GOLGA1: variants seen among roughly 807,000 people sequenced by gnomAD.
The protein encoded by GOLGA1 is golgin A1.
In GOLGA1, 63 loss-of-function variants were observed where a neutral mutation model predicts 119.7. The observed-to-expected ratio is 0.53, with a 90% CI of 0.43 to 0.65. GOLGA1 has a LOEUF of 0.65. Among genes scored for constraint, GOLGA1 ranks in the 30% least tolerant of loss-of-function variants. The pLI is 0.00. For synonymous variants in GOLGA1, 318 were observed against 333.4 expected (o/e 0.95, Z 0.50); for missense variants, 798 against 912.8 (o/e 0.87, Z 1.62).
intron 19 of GOLGA1, among the ~76,000 whole-genome samples, chr9:124,884,006 G>A (rs1220988016): frequency 1.3e-5 from 2 of 151,934 alleles, no homozygotes. Context: ...TCATAATATA[G>A]GGAAAAAAAA....
intron 15 of GOLGA1, among the ~76,000 whole-genome samples, chr9:124,896,722 G>A (rs1289869037): frequency 6.6e-6 from 1 of 152,188 alleles, no homozygotes; most frequent in Non-Finnish European, 1.5e-5. Flanking sequence ...CCAGTGGATC[G>A]CTTGAGCACA....
intron 11 of GOLGA1, among the ~76,000 whole-genome samples, chr9:124,910,053 C>T (rs973276559): frequency 2.6e-5 from 4 of 152,194 alleles, no homozygotes; most frequent in Admixed American, 6.5e-5. Context: ...CCTCAGCCTC[C>T]GGAGTAGCTT....
chr9:124,892,847 G>A (rs1829885071), intron 15 of GOLGA1, among the ~76,000 whole-genome samples: 1 of 150,702 alleles, frequency 6.6e-6, no homozygotes, highest in Admixed American at 6.6e-5. Context: ...CAGGAGAATC[G>A]CTTGAACCCA....
At chr9:124,902,915 C>T (rs1025996473) in intron 12 of GOLGA1, among the ~76,000 whole-genome samples, 1 of 152,164 alleles carries the variant, frequency 6.6e-6, no homozygotes, top group Non-Finnish European at 1.5e-5. Flanking sequence ...TAGCTCATGA[C>T]TGCAAATTTT....
In GOLGA1 at chr9:124,921,109, TCTC is replaced by T. The variant is rs1830560566; in HGVS notation, c.843+17_843+19del. On this transcript the variant is annotated intron_variant, in intron 10 of 22. Coordinates refer to ENST00000373555, the MANE Select transcript of GOLGA1 (RefSeq NM_002077.4). The stretch of plus-strand genomic sequence containing the variant: ...TTATGAATCTTAGAAATCCAGGTCT[TCTC>T]CTCATATTCTACTTACCTTTTGCAA... The T allele has an allele frequency of 7.3e-7, 1 of 1,363,494 alleles. No homozygotes were observed. The highest frequency in any genetic ancestry group is 1.8e-4 in the Middle Eastern group (1 of 5,606). 84.5% of individuals were successfully genotyped at this position (1,363,494 alleles called of 1,614,324 possible).
intron 10 of GOLGA1, among the ~76,000 whole-genome samples, chr9:124,915,144 C>T (rs1830415325): frequency 6.6e-6 from 1 of 152,180 alleles, no homozygotes; most frequent in Admixed American, 6.5e-5. Context: ...TGGACTGCAT[C>T]AATTCTGGGT....
chr9:124,929,122 G>C lies in GOLGA1; in HGVS notation c.301+94C>G, dbSNP rs1484798440. On this transcript the variant is annotated intron_variant, in intron 5 of 22. Coordinates refer to ENST00000373555, the MANE Select transcript of GOLGA1 (RefSeq NM_002077.4). ...CACTACTTATAAAATAAAGATTTGTGCTTTGAAGAAGGACAAACTTAACCA... is the reference window on the plus strand; with the variant it reads ...CACTACTTATAAAATAAAGATTTGTCCTTTGAAGAAGGACAAACTTAACCA... 6.8e-6 allele frequency: 5 copies of C among 736,760 alleles called. No homozygotes were observed. In the Admixed American group the frequency reaches 1.1e-4, roughly 16 times the overall value. 45.6% of individuals were successfully genotyped at this position (736,760 alleles called of 1,614,324 possible). A position where few individuals can be genotyped will look rare whatever the true frequency, so the allele number is the denominator to read the frequency against.
chr9:124,898,665 A>G (rs1389945007), intron 14 of GOLGA1, 21 bp from the exon 15 acceptor site: 2 of 1,444,202 alleles, frequency 1.4e-6, no homozygotes, highest in Non-Finnish European at 1.9e-6. Context: ...AGAAGAACAC[A>G]TATAAAAGAA....
At chr9:124,895,944 C>A (rs1457624324) in intron 15 of GOLGA1, among the ~76,000 whole-genome samples, 3 of 148,830 alleles carry the variant, frequency 2.0e-5, no homozygotes, top group African/African-American at 7.3e-5. Context: ...AACAGAGACC[C>A]TCTATAACAG....
intron 7 of GOLGA1, among the ~76,000 whole-genome samples, chr9:124,925,706 C>G (rs1208604415): frequency 6.6e-6 from 1 of 151,992 alleles, no homozygotes; most frequent in Non-Finnish European, 1.5e-5. Context: ...CAGAACAACC[C>G]CTTGTCTCAA....
chr9:124,900,276 A>G (rs571782903), intron 13 of GOLGA1, 176 bp downstream of exon 13: 45 of 463,680 alleles, frequency 9.7e-5, no homozygotes, highest in African/African-American at 7.5e-4. Flanking sequence ...GCCCACCATT[A>G]GGTCCTGACT....
intron 12 of GOLGA1, among the ~76,000 whole-genome samples, chr9:124,903,558 G>A (rs1381711756): frequency 6.7e-6 from 1 of 150,008 alleles, no homozygotes; most frequent in Non-Finnish European, 1.5e-5. Flanking sequence ...CAAGCACTTA[G>A]GGAAACAAAG....
At chr9:124,889,868 T>C (rs188687240) in intron 16 of GOLGA1, among the ~76,000 whole-genome samples, 42 of 152,300 alleles carry the variant, frequency 2.8e-4, no homozygotes, top group African/African-American at 1.0e-3. Flanking sequence ...ACGCATTTGA[T>C]ATATGTTGCC....
chr9:124,894,910 CAG>C (rs1297270967), intron 15 of GOLGA1, among the ~76,000 whole-genome samples: 2 of 151,704 alleles, frequency 1.3e-5, no homozygotes, highest in African/African-American at 4.9e-5. Flanking sequence ...CCATCCAAAA[CAG>C]AGAACCATCC....
chr9:124,912,589 C>T (rs943756706), intron 10 of GOLGA1, among the ~76,000 whole-genome samples: 1 of 152,206 alleles, frequency 6.6e-6, no homozygotes, highest in Non-Finnish European at 1.5e-5. Flanking sequence ...GTTGCCTTGG[C>T]TGGAGTACAG....
rs754773936 is a variant in GOLGA1, at chr9:124,921,854, T to G, written c.600A>C (p.Gln200His). 8 of 1,613,784 alleles carry G rather than the reference T, an allele frequency of 5.0e-6. No homozygotes were observed. In the South Asian group the frequency reaches 7.7e-5, roughly 16 times the overall value. Residue 200 changes from glutamine (Q) to histidine (H), a missense_variant, in exon 9 of 23, where the codon CAA becomes CAC. Gln to His is a conservative substitution (Grantham distance 24, BLOSUM62 0). Coordinates refer to ENST00000373555, the MANE Select transcript of GOLGA1 (RefSeq NM_002077.4). ...GTTCTCTGGTTCGTGCCTCCAATTC[T>G]TGTTCCATTTTCCCTAGACTTTCTT... ...KKEESLGKME[Q>H]ELEARTRELS...
chr9:124,893,199 A>T (rs1829897052), intron 15 of GOLGA1, among the ~76,000 whole-genome samples: 1 of 151,974 alleles, frequency 6.6e-6, no homozygotes, highest in East Asian at 1.9e-4. Context: ...TAGTAAAAAT[A>T]CCCATCCCCC....
intron 10 of GOLGA1, among the ~76,000 whole-genome samples, chr9:124,920,249 A>G (rs1830539484): frequency 6.7e-6 from 1 of 149,404 alleles, no homozygotes; most frequent in Non-Finnish European, 1.5e-5. Context: ...CCTCCCAAAC[A>G]GCTGGAACTA....
intron 4 of GOLGA1, among the ~76,000 whole-genome samples, chr9:124,930,147 G>T (rs1830746679): frequency 6.6e-6 from 1 of 152,088 alleles, no homozygotes; most frequent in African/African-American, 2.4e-5. Context: ...ACCACATAGT[G>T]GGCCCAGTAA....
Sources: gnomAD v4.1 joint callset for allele counts (sites outside exome capture counted in the v4.1 genomes callset) on GRCh38, gnomAD v4.1.1 for gene constraint, MANE v1.5 for transcripts, NCBI Gene and HGNC (gene_info 2026-07-23, HGNC 2026-07-21) for gene names.